Variants in RBFOX1 observed in about 807,000 individuals in gnomAD.
RBFOX1 encodes RNA binding fox-1 homolog 1.
In RBFOX1, 8 loss-of-function variants were observed where a neutral mutation model predicts 57.7. The observed-to-expected ratio is 0.14, with a 90% confidence interval of 0.08 to 0.25. The LOEUF is 0.25. Ranked by LOEUF, RBFOX1 falls within the 10% of genes least tolerant of loss-of-function variation. The pLI, the probability that RBFOX1 is intolerant of heterozygous loss-of-function variation, is 1.00. For missense variants in RBFOX1, 611 were observed against 548.5 expected, an observed-to-expected ratio of 1.11 and a Z score of -1.14; for synonymous variants, 326 against 222.4, an observed-to-expected ratio of 1.47 and a Z score of -4.15.
chr16:7,494,228 G>A (rs976951235), intron 4 of RBFOX1, among the ~76,000 whole-genome samples: 1 of 152,144 alleles, frequency 6.6e-6, no homozygotes, highest in Admixed American at 6.5e-5. Flanking sequence ...AGATGAGATT[G>A]GCCTTGCTGA....
intron 2 of RBFOX1, among the ~76,000 whole-genome samples, chr16:6,323,287 G>T (rs12446927): frequency 6.6e-6 from 1 of 151,966 alleles, no homozygotes; most frequent in African/African-American, 2.4e-5. Context: ...GCACCCCACT[G>T]TCAGCCTCGT....
At chr16:7,051,719 T>A (rs7188647) in intron 3 of RBFOX1, among the ~76,000 whole-genome samples, 1 of 151,434 alleles carries the variant, frequency 6.6e-6, no homozygotes, top group Admixed American at 6.6e-5. Flanking sequence ...ACCTGTGATA[T>A]AGGGCAAGCT....
intron 2 of RBFOX1, among the ~76,000 whole-genome samples, chr16:6,496,582 C>T (rs901831007): frequency 3.9e-5 from 6 of 152,158 alleles, no homozygotes; most frequent in East Asian, 1.9e-4. Flanking sequence ...CATTGCCCCT[C>T]GTCGAACTGG....
At chr16:6,257,142 T>A (rs2097672859) in intron 1 of RBFOX1, among the ~76,000 whole-genome samples, 1 of 152,180 alleles carries the variant, frequency 6.6e-6, no homozygotes, top group South Asian at 2.1e-4. Context: ...AGGATACATG[T>A]GCAGGACATG....
intron 1 of RBFOX1, among the ~76,000 whole-genome samples, chr16:6,070,799 T>C (rs1488250939): frequency 6.6e-6 from 1 of 151,918 alleles, no homozygotes; most frequent in East Asian, 1.9e-4. Flanking sequence ...GGTAATAAAA[T>C]TATACACACA....
At chr16:6,189,089 A>G (rs2097125926) in intron 1 of RBFOX1, among the ~76,000 whole-genome samples, 1 of 152,208 alleles carries the variant, frequency 6.6e-6, no homozygotes, top group African/African-American at 2.4e-5. Context: ...GACCTCTGAA[A>G]ATTACCTGTG....
chr16:6,657,304 T>C (rs1353584424), intron 3 of RBFOX1, among the ~76,000 whole-genome samples: 1 of 152,140 alleles, frequency 6.6e-6, no homozygotes, highest in African/African-American at 2.4e-5. Flanking sequence ...TTTCTAACAA[T>C]TGTTAAGAAG....
At chr16:7,703,236 C>T (rs1283510360) in intron 14 of RBFOX1, among the ~76,000 whole-genome samples, 1 of 152,224 alleles carries the variant, frequency 6.6e-6, no homozygotes, top group African/African-American at 2.4e-5. Context: ...TCCCTAATTG[C>T]ATTGCAGAGA....
intron 1 of RBFOX1, among the ~76,000 whole-genome samples, chr16:5,300,567 A>C (rs1000210814): frequency 4.6e-5 from 7 of 152,194 alleles, no homozygotes; most frequent in Non-Finnish European, 1.0e-4. Context: ...GAAAGAATTT[A>C]AGTAATAATT....
intron 3 of RBFOX1, among the ~76,000 whole-genome samples, chr16:6,660,569 C>T (rs562963583): frequency 6.6e-6 from 1 of 152,118 alleles, no homozygotes; most frequent in Non-Finnish European, 1.5e-5. Context: ...GGGTTTCAAT[C>T]CCAGCCCTCC....
chr16:6,975,227 C>T (rs1326506575), intron 3 of RBFOX1, among the ~76,000 whole-genome samples: 4 of 151,760 alleles, frequency 2.6e-5, no homozygotes, highest in Non-Finnish European at 5.9e-5. Context: ...ATTTAAGAGG[C>T]CACCACAATA....
At chr16:5,454,850 TTTCTTTTCTTTC>T (rs770558992) in intron 1 of RBFOX1, among the ~76,000 whole-genome samples, 3,755 of 121,670 alleles carry the variant, frequency 0.031, 128 homozygotes, top group African/African-American at 0.056. Flanking sequence ...CCTTTCTTTC[TTTCTTTTCTTTC>T]TTTCTTTCTT....
chr16:5,504,059 G>T (rs927840378), intron 2 of RBFOX1, among the ~76,000 whole-genome samples: 26 of 152,098 alleles, frequency 1.7e-4, no homozygotes, highest in African/African-American at 6.0e-4. Flanking sequence ...CCCCTTCCTG[G>T]CATCTGGAGC....
intron 3 of RBFOX1, among the ~76,000 whole-genome samples, chr16:6,786,452 G>A (rs1384667324): frequency 1.3e-5 from 2 of 152,082 alleles, no homozygotes; most frequent in African/African-American, 2.4e-5. Flanking sequence ...CATTTTTACA[G>A]GGAAAAAGCA....
At chr16:6,464,239 G>A (rs1033067863) in intron 2 of RBFOX1, among the ~76,000 whole-genome samples, 1 of 152,054 alleles carries the variant, frequency 6.6e-6, no homozygotes, top group Non-Finnish European at 1.5e-5. Context: ...AGCCATTTTG[G>A]TACTACTGTG....
At chr16:6,781,313 T>G (rs2080982389) in intron 3 of RBFOX1, among the ~76,000 whole-genome samples, 1 of 152,160 alleles carries the variant, frequency 6.6e-6, no homozygotes, top group African/African-American at 2.4e-5. Context: ...TTTTAATATG[T>G]TGAATTTGAT....
At chr16:7,408,885 AT>A (rs757511041) in intron 4 of RBFOX1, among the ~76,000 whole-genome samples, 16 of 151,636 alleles carry the variant, frequency 1.1e-4, no homozygotes, top group Admixed American at 2.0e-4. Context: ...GATAAGAACC[AT>A]TGTTCTAGAG....
chr16:7,215,556 G>T (rs1603277944), intron 4 of RBFOX1, among the ~76,000 whole-genome samples: 1 of 152,040 alleles, frequency 6.6e-6, no homozygotes, highest in Non-Finnish European at 1.5e-5. Context: ...ACAGTTCAAT[G>T]TTTTGTAAGT....
chr16:7,051,219 C>T (rs1451380793), intron 3 of RBFOX1, among the ~76,000 whole-genome samples: 1 of 152,182 alleles, frequency 6.6e-6, no homozygotes, highest in Non-Finnish European at 1.5e-5. Context: ...AGTCTACCAG[C>T]TCCTGATGAC....
Sources: allele counts gnomAD v4.1 joint callset (sites outside exome capture counted in the v4.1 genomes callset), GRCh38; gene constraint gnomAD v4.1.1; transcripts MANE v1.5; gene names NCBI Gene and HGNC (gene_info 2026-07-23, HGNC 2026-07-21).